The following SHISA9 variants were observed in gnomAD, a reference collection of about 807,000 sequenced individuals.
The protein encoded by SHISA9 is protein shisa-9.
In SHISA9, 13 loss-of-function variants were observed where a neutral mutation model predicts 38.0. The observed-to-expected ratio is 0.34, with a 90% CI of 0.22 to 0.54. The LOEUF is 0.54. Among genes scored for constraint, SHISA9 ranks in the 20% least tolerant of loss-of-function variants. SHISA9 has a pLI of 0.91. For missense variants in SHISA9, 538 were observed against 575.8 expected (o/e 0.93, Z 0.67); for synonymous variants, 275 against 242.0 (o/e 1.14, Z -1.27).
intron 2 of SHISA9, among the ~76,000 whole-genome samples, chr16:13,056,673 C>T (rs911686471): frequency 3.3e-5 from 5 of 152,222 alleles, no homozygotes; most frequent in Non-Finnish European, 7.3e-5. Context: ...CCTGTCTGTA[C>T]CTCAGTTTCC....
At chr16:13,302,487 T>C in the SHISA9 span, among the ~76,000 whole-genome samples, 1 of 152,172 alleles carries the variant, frequency 6.6e-6, no homozygotes, top group African/African-American at 2.4e-5. Context: ...AGGCCCTTAG[T>C]TGCAATGGGA....
chr16:12,992,832 C>T (rs1477979216), intron 2 of SHISA9, among the ~76,000 whole-genome samples: 1 of 152,190 alleles, frequency 6.6e-6, no homozygotes, highest in African/African-American at 2.4e-5. Context: ...TTACTGAATG[C>T]ATACCATGTA....
chr16:13,168,672 G>A (rs2050659227), intron 2 of SHISA9, among the ~76,000 whole-genome samples: 1 of 152,218 alleles, frequency 6.6e-6, no homozygotes, highest in Non-Finnish European at 1.5e-5. Flanking sequence ...CTAGCGAGCT[G>A]GGATTTGCTC....
chr16:13,417,643 T>A, the SHISA9 span, among the ~76,000 whole-genome samples: 1 of 152,224 alleles, frequency 6.6e-6, no homozygotes, highest in Admixed American at 6.5e-5. Context: ...TGACTGAATG[T>A]CATCGTAGTG....
rs79159766 is a variant in SHISA9, at chr16:12,908,906, C to T, written c.563+6279C>T. ...CAAACAGAATTGGAAATCCAAGTGG[C>T]AAATGGCAGATAAGGGTCCTGTGTG... On this transcript the variant is annotated intron_variant, in intron 1 of 4. Coordinates refer to ENST00000558583, the MANE Select transcript of SHISA9 (RefSeq NM_001145204.3). The T allele has an allele frequency of 1.8e-3, 1,865 of 1,036,812 alleles. 27 individuals are homozygous for T. In the African/African-American group the frequency reaches 0.029, roughly 16 times the overall value. 64.2% of individuals were successfully genotyped at this position (1,036,812 alleles called of 1,614,324 possible).
At chr16:13,376,021 A>C in the SHISA9 span, among the ~76,000 whole-genome samples, 1 of 152,222 alleles carries the variant, frequency 6.6e-6, no homozygotes, top group Non-Finnish European at 1.5e-5. Context: ...CTGATTTCAA[A>C]AGTTACAGCA....
intron 2 of SHISA9, among the ~76,000 whole-genome samples, chr16:13,072,734 C>T (rs1025828157): frequency 2.0e-5 from 3 of 151,516 alleles, no homozygotes; most frequent in Admixed American, 6.6e-5. Flanking sequence ...GATCTCAGCT[C>T]GCTGCAACCT....
intron 2 of SHISA9, among the ~76,000 whole-genome samples, chr16:13,131,921 T>TG (rs1188344513): frequency 6.6e-6 from 1 of 152,226 alleles, no homozygotes; most frequent in African/African-American, 2.4e-5. Context: ...CCCGGACTCA[T>TG]GGGTTTGCCA....
the SHISA9 span, among the ~76,000 whole-genome samples, chr16:13,559,951 A>G: frequency 1.3e-5 from 2 of 152,224 alleles, no homozygotes; most frequent in African/African-American, 4.8e-5. Flanking sequence ...GAAAAAGTTA[A>G]TGGGGAATAA....
chr16:12,982,158 G>C (rs1369968822), intron 2 of SHISA9, among the ~76,000 whole-genome samples: 1 of 152,216 alleles, frequency 6.6e-6, no homozygotes, highest in Non-Finnish European at 1.5e-5. Flanking sequence ...CAGCCAGCTG[G>C]AGATGGAGCC....
At chr16:13,289,022 A>G in the SHISA9 span, among the ~76,000 whole-genome samples, 32 of 152,268 alleles carry the variant, frequency 2.1e-4, 1 homozygote, top group South Asian at 6.6e-3. Context: ...AGTTGGTATC[A>G]CCTAAGCCAA....
chr16:12,951,081 C>T (rs555495571), intron 2 of SHISA9, among the ~76,000 whole-genome samples: 2 of 150,684 alleles, frequency 1.3e-5, no homozygotes, highest in African/African-American at 4.9e-5. Flanking sequence ...ATTAGCCAGG[C>T]GTGGTGGCAG....
chr16:12,991,791 C>A (rs1278858695), intron 2 of SHISA9, among the ~76,000 whole-genome samples: 1 of 152,078 alleles, frequency 6.6e-6, no homozygotes, highest in Non-Finnish European at 1.5e-5. Flanking sequence ...CACCTTGTAG[C>A]ACTCAGGTAC....
At chr16:13,365,834 C>T in the SHISA9 span, among the ~76,000 whole-genome samples, 5 of 151,958 alleles carry the variant, frequency 3.3e-5, no homozygotes, top group East Asian at 1.9e-4. Flanking sequence ...AATTGTTGGA[C>T]GTGGAGGTGG....
rs1001215914 is a variant in SHISA9 at position 13,235,910 on chromosome 16, G to A, written c.*501G>A. On this transcript the variant is annotated 3_prime_UTR_variant, in exon 5 of 5. Coordinates refer to ENST00000558583, the MANE Select transcript of SHISA9 (RefSeq NM_001145204.3). ...CAAGAGAAGAGTGTATTCTGGAAGA[G>A]GAGTTGTTCTGGGAGGAATTTGCCC... 1 of 153,354 alleles carries A rather than the reference G, an allele frequency of 6.5e-6. No homozygotes were observed. The highest frequency in any genetic ancestry group is 1.5e-5 in the Non-Finnish European group (1 of 68,878). The allele number at this position is 153,354 out of a possible 1,614,324, so 9.5% of individuals were successfully genotyped here.
chr16:13,543,434 T>G, the SHISA9 span, among the ~76,000 whole-genome samples: 18 of 152,182 alleles, frequency 1.2e-4, 2 homozygotes, highest in Admixed American at 1.1e-3. Context: ...TGATGTCAGT[T>G]CATTATGATA....
chr16:13,300,534 G>C, the SHISA9 span, among the ~76,000 whole-genome samples: 1,139 of 152,220 alleles, frequency 7.5e-3, 12 homozygotes, highest in African/African-American at 0.026. Context: ...GGAATTGGAG[G>C]CCCTTTATGA....
chr16:13,099,855 G>C (rs551586590), intron 2 of SHISA9, among the ~76,000 whole-genome samples: 7 of 152,334 alleles, frequency 4.6e-5, no homozygotes, highest in African/African-American at 1.7e-4. Context: ...ACAAATCCCA[G>C]GGGCCTCCAG....
At chr16:13,555,293 C>T in the SHISA9 span, among the ~76,000 whole-genome samples, 2 of 149,418 alleles carry the variant, frequency 1.3e-5, no homozygotes, top group Admixed American at 6.7e-5. Context: ...ATGAACACAA[C>T]ATTTTTTCTG....
Sources: gnomAD v4.1 joint callset for allele counts (sites outside exome capture counted in the v4.1 genomes callset) on GRCh38, gnomAD v4.1.1 for gene constraint, MANE v1.5 for transcripts, NCBI Gene and HGNC (gene_info 2026-07-23, HGNC 2026-07-21) for gene names.